Variants in FAM178B observed in about 807,000 individuals in gnomAD.
FAM178B encodes family with sequence similarity 178 member B, also known as protein FAM178B.
In FAM178B, 82 loss-of-function variants were observed where a neutral mutation model predicts 91.7. The ratio of observed to expected loss-of-function variants is 0.89; its 90% CI spans 0.75 to 1.07. The LOEUF (loss-of-function observed/expected upper bound fraction) is 1.07, where lower values mean the gene tolerates loss of function less well. Ranked by LOEUF, FAM178B falls within the 50% of genes least tolerant of loss-of-function variation. The pLI is 0.00. For synonymous variants in FAM178B, 368 were observed against 359.4 expected, an observed-to-expected ratio of 1.02 and a Z score of -0.27; for missense variants, 769 against 846.7, an observed-to-expected ratio of 0.91 and a Z score of 1.14.
intron 1 of FAM178B, chr2:96,978,041 C>A (rs2082315203): frequency 2.5e-6 from 1 of 394,028 alleles, no homozygotes; most frequent in Non-Finnish European, 5.1e-6. Context: ...GACACAACTT[C>A]TCAACTATTC....
At chr2:96,952,595 G>A (rs2081946011) in intron 6 of FAM178B, among the ~76,000 whole-genome samples, 1 of 152,188 alleles carries the variant, frequency 6.6e-6, no homozygotes, top group African/African-American at 2.4e-5. Context: ...TTGTTGAAAT[G>A]TTTCATATGG....
intron 7 of FAM178B, among the ~76,000 whole-genome samples, chr2:96,949,675 G>GC (rs1044088980): frequency 1.5e-4 from 23 of 152,286 alleles, no homozygotes; most frequent in African/African-American, 4.1e-4. Context: ...TGCCCAGAAG[G>GC]CCCCCCAAAG....
chr2:96,945,553 T>TGC (rs2081813581), intron 8 of FAM178B, among the ~76,000 whole-genome samples: 1 of 151,798 alleles, frequency 6.6e-6, no homozygotes, highest in Admixed American at 6.5e-5. Flanking sequence ...AACACACACG[T>TGC]GCGCGCGCAC....
chr2:96,900,230 AACTGCTGGCTGTTCCCAGCAAC>A (rs2080901574), intron 13 of FAM178B, among the ~76,000 whole-genome samples: 1 of 151,884 alleles, frequency 6.6e-6, no homozygotes, highest in Non-Finnish European at 1.5e-5. Context: ...CCCTGCCTCT[AACTGCTGGCTGTTCCCAGCAAC>A]ACCGCTGGGT....
chr2:96,902,699 C>T lies in FAM178B; in HGVS notation c.1571G>A (p.Arg524Gln), dbSNP rs1263047509. The change falls in exon 13 of 17, where the codon CGA becomes CAA. Residue 524 changes from arginine to glutamine, a missense_variant. By Grantham distance (43) the Arg-to-Gln change is conservative (BLOSUM62 1). Coordinates refer to ENST00000490605, the MANE Select transcript of FAM178B (RefSeq NM_001122646.3). ...AATGACCACAAGGCTGAGCTGGCTT[C>T]GAAGCCGCCTGGGGGAAAAGCGACA... ...PDMTSRSRRL[R>Q]SQLSLVVIAR... is the part of the protein sequence containing the mutation. 4.5e-6 allele frequency: 7 copies of T among 1,550,364 alleles called. No homozygotes were observed. Among genetic ancestry groups the T allele is most frequent in the African/African-American group, 1.4e-5 (1 of 73,120 alleles).
At chr2:96,929,698 C>T (rs1010968413) in intron 8 of FAM178B, among the ~76,000 whole-genome samples, 9 of 152,346 alleles carry the variant, frequency 5.9e-5, no homozygotes, top group African/African-American at 1.9e-4. Flanking sequence ...ACCAGGCTCA[C>T]GTCCTTAGAC....
intron 5 of FAM178B, among the ~76,000 whole-genome samples, chr2:96,967,140 C>T (rs895511921): frequency 1.3e-5 from 2 of 152,234 alleles, no homozygotes; most frequent in Non-Finnish European, 2.9e-5. Flanking sequence ...ACTTTCTCTT[C>T]TCCAGTTAGG....
intron 13 of FAM178B, among the ~76,000 whole-genome samples, chr2:96,896,694 C>T (rs1353685350): frequency 1.3e-5 from 2 of 152,174 alleles, no homozygotes; most frequent in Admixed American, 1.3e-4. Flanking sequence ...TCACCTAGGA[C>T]AGGAAGCCAA....
At chr2:96,895,285 A>G (rs1450835660) in intron 13 of FAM178B, 1 of 382,024 alleles carries the variant, frequency 2.6e-6, no homozygotes. Flanking sequence ...ATCATCATCC[A>G]ACACCTGTGT....
intron 16 of FAM178B, 41 bp from the exon 17 acceptor site, chr2:96,876,349 A>T: frequency 6.4e-7 from 1 of 1,574,628 alleles, no homozygotes; most frequent in Non-Finnish European, 8.6e-7. Context: ...GCCTGGGCCC[A>T]GGTGCTGCCC....
At chr2:96,975,588 T>C (rs2082278518) in intron 1 of FAM178B, among the ~76,000 whole-genome samples, 1 of 152,238 alleles carries the variant, frequency 6.6e-6, no homozygotes, top group African/African-American at 2.4e-5. Context: ...CTCTTCTAGC[T>C]ATTTTGAAAT....
At chr2:96,935,827 G>A (rs2081615950) in intron 8 of FAM178B, among the ~76,000 whole-genome samples, 1 of 151,020 alleles carries the variant, frequency 6.6e-6, no homozygotes, top group South Asian at 2.1e-4. Flanking sequence ...GTAGACAGGG[G>A]GTTTCACCAT....
At chr2:96,916,285 T>C (rs1369915091) in intron 12 of FAM178B, among the ~76,000 whole-genome samples, 1 of 152,220 alleles carries the variant, frequency 6.6e-6, no homozygotes, top group East Asian at 1.9e-4. Flanking sequence ...CTGCCAACAC[T>C]GGGCAGCACT....
chr2:96,931,977 G>A (rs2081547658), intron 8 of FAM178B, among the ~76,000 whole-genome samples: 1 of 152,060 alleles, frequency 6.6e-6, no homozygotes, highest in Non-Finnish European at 1.5e-5. Context: ...AGACTCCACT[G>A]GAAAGAGAGA....
In FAM178B at chr2:96,927,043, C is replaced by A. The variant is rs575854583; in HGVS notation, c.1193+2163G>T. 4.6e-3 allele frequency among the ~76,000 whole-genome samples: 700 copies of A among 152,282 alleles called. 68 individuals carry two copies. The South Asian group carries it at 0.14, about 31-fold the overall frequency. On this transcript the variant is annotated intron_variant, in intron 9 of 16. Transcript: ENST00000490605. ...CCTCTGAGTTGGTGAGGAGCCAGGA[C>A]GAGAAGGAACACAGGGAGAAGATAG...
At chr2:96,940,838 G>A (rs1240339110) in intron 8 of FAM178B, among the ~76,000 whole-genome samples, 1 of 152,068 alleles carries the variant, frequency 6.6e-6, no homozygotes, top group Non-Finnish European at 1.5e-5. Context: ...TTTTAAAGAC[G>A]GATGAGCTAA....
chr2:96,973,219 A>G (rs1303681322), intron 1 of FAM178B, among the ~76,000 whole-genome samples: 1 of 151,168 alleles, frequency 6.6e-6, no homozygotes, highest in Non-Finnish European at 1.5e-5. Flanking sequence ...AAAAAAAAAA[A>G]ACCAAAACCA....
At chr2:96,958,352 G>C (rs945759964) in intron 6 of FAM178B, among the ~76,000 whole-genome samples, 4 of 152,056 alleles carry the variant, frequency 2.6e-5, no homozygotes, top group Admixed American at 2.6e-4. Flanking sequence ...TTACAGGCGT[G>C]AGCCACCACG....
At chr2:96,910,347 C>T (rs1451505881) in intron 12 of FAM178B, among the ~76,000 whole-genome samples, 1 of 152,184 alleles carries the variant, frequency 6.6e-6, no homozygotes, top group East Asian at 1.9e-4. Flanking sequence ...ACGGCCTCCT[C>T]TGCACAGTGA....
Sources: allele counts gnomAD v4.1 joint callset (sites outside exome capture counted in the v4.1 genomes callset), GRCh38; gene constraint gnomAD v4.1.1; transcripts MANE v1.5; gene names NCBI Gene and HGNC (gene_info 2026-07-23, HGNC 2026-07-21).